Variants in KDM4C observed in about 807,000 individuals in gnomAD.
KDM4C encodes the protein lysine demethylase 4C, also known as lysine-specific demethylase 4C.
KDM4C carries 81 observed loss-of-function variants against 129.3 expected under a neutral mutation model. The ratio of observed to expected loss-of-function variants is 0.63; its 90% confidence interval spans 0.52 to 0.75. KDM4C has a LOEUF of 0.75. Among genes scored for constraint, KDM4C ranks in the 30% least tolerant of loss-of-function variants. The probability of loss-of-function intolerance (pLI) is 0.00; values close to 1 mark genes in which losing one functional copy is unlikely to be tolerated. For missense variants in KDM4C, 1,457 were observed against 1,304.0 expected (o/e 1.12, Z -1.81); for synonymous variants, 573 against 456.1 (o/e 1.26, Z -3.26).
At chr9:6,918,209 T>G (rs761248383) in intron 8 of KDM4C, among the ~76,000 whole-genome samples, 1 of 152,196 alleles carries the variant, frequency 6.6e-6, no homozygotes, top group Non-Finnish European at 1.5e-5. Context: ...TGTCTACAGT[T>G]CCCATCTTTG....
chr9:7,069,189 A>T (rs559916554), intron 17 of KDM4C, among the ~76,000 whole-genome samples: 16 of 152,294 alleles, frequency 1.1e-4, no homozygotes, highest in African/African-American at 2.6e-4. Context: ...TGTTATTATG[A>T]TGTATTACAC....
intron 17 of KDM4C, among the ~76,000 whole-genome samples, chr9:7,065,297 C>A (rs1309419810): frequency 6.6e-6 from 1 of 151,456 alleles, no homozygotes; most frequent in African/African-American, 2.4e-5. Context: ...AAAATATATT[C>A]CATCTTTCTT....
chr9:6,918,765 ATGAT>A (rs1435329016), intron 8 of KDM4C, among the ~76,000 whole-genome samples: 1 of 152,002 alleles, frequency 6.6e-6, no homozygotes, highest in African/African-American at 2.4e-5. Flanking sequence ...CATTTCTCTA[ATGAT>A]TAGTGATGTT....
chr9:7,071,050 T>C (rs1833123184), intron 17 of KDM4C, among the ~76,000 whole-genome samples: 1 of 152,096 alleles, frequency 6.6e-6, no homozygotes, highest in Non-Finnish European at 1.5e-5. Context: ...TGAAAGTTAA[T>C]AAAAATCCAT....
chr9:7,014,507 T>C (rs74367436), intron 14 of KDM4C, among the ~76,000 whole-genome samples: 1 of 152,182 alleles, frequency 6.6e-6, no homozygotes, highest in Non-Finnish European at 1.5e-5. Flanking sequence ...ACCCCTGCAC[T>C]GGGATAGTCT....
intron 8 of KDM4C, among the ~76,000 whole-genome samples, chr9:6,959,704 C>T (rs912818626): frequency 2.0e-5 from 3 of 152,098 alleles, no homozygotes; most frequent in African/African-American, 7.2e-5. Flanking sequence ...CATGTTAATT[C>T]TGTGAAATTG....
In KDM4C at chr9:6,921,939, C is replaced by T. The variant is rs191084300; in HGVS notation, c.921+28707C>T. On this transcript the variant is annotated intron_variant, in intron 8 of 21. Coordinates refer to ENST00000381309, the MANE Select transcript of KDM4C (RefSeq NM_015061.6). ...CCCAATCTGCATGGCTCGGTCCCTCCCTTCTCTGAAGTATTGTTCAAATGT... is the reference window on the plus strand; with the variant it reads ...CCCAATCTGCATGGCTCGGTCCCTCTCTTCTCTGAAGTATTGTTCAAATGT... Among the ~76,000 whole-genome samples the T allele has an allele frequency of 1.3e-3, 199 of 152,216 alleles. 1 individual carries two copies. The highest frequency in any genetic ancestry group is 7.2e-4 in the Non-Finnish European group (49 of 68,014).
chr9:6,993,662 C>G (rs568069767), intron 12 of KDM4C, among the ~76,000 whole-genome samples: 5 of 152,092 alleles, frequency 3.3e-5, no homozygotes, highest in African/African-American at 9.7e-5. Flanking sequence ...CACCCGTGCA[C>G]TTAGGGGAGA....
At chr9:6,984,504 A>G (rs1032810161) in intron 10 of KDM4C, 100 bp downstream of exon 10, 1 of 757,382 alleles carries the variant, frequency 1.3e-6, no homozygotes, top group Non-Finnish European at 2.3e-6. Flanking sequence ...TGACTAGTCC[A>G]CATAGCTTAA....
chr9:6,999,247 C>A (rs907816030), intron 12 of KDM4C, among the ~76,000 whole-genome samples: 1 of 152,100 alleles, frequency 6.6e-6, no homozygotes, highest in South Asian at 2.1e-4. Context: ...ATTTGCCAGT[C>A]TTAATTTTGT....
intron 12 of KDM4C, among the ~76,000 whole-genome samples, chr9:7,008,762 A>G (rs575802249): frequency 1.3e-5 from 2 of 152,306 alleles, no homozygotes; most frequent in Admixed American, 6.5e-5. Flanking sequence ...ATCCAACCCC[A>G]TGAACCCAGG....
In KDM4C at chr9:6,729,869, G is replaced by A. The variant is rs1045943183; in HGVS notation, c.49+8872G>A. On this transcript the variant is annotated intron_variant, in intron 1 of 17. Coordinates refer to the KDM4C transcript ENST00000536108. ...TTATGCCTATAATCCCAGCACTTTG[G>A]GAGGGAGAGGCGGGCGGATCACCTG... Among the ~76,000 whole-genome samples, 15 of 134,374 alleles carry A rather than the reference G, an allele frequency of 1.1e-4. 1 individual carries two copies. Among genetic ancestry groups the A allele is most frequent in the Non-Finnish European group, 2.0e-4 (13 of 65,496 alleles). 88.2% of individuals were successfully genotyped at this position (134,374 alleles called of 152,430 possible). A position where few individuals can be genotyped will look rare whatever the true frequency, so the allele number is the denominator to read the frequency against.
chr9:6,918,899 T>G (rs947036802), intron 8 of KDM4C, among the ~76,000 whole-genome samples: 2 of 152,122 alleles, frequency 1.3e-5, no homozygotes, highest in South Asian at 2.1e-4. Flanking sequence ...TTGCCCAGAC[T>G]GGAGCGCAGT....
At chr9:7,151,243 T>C (rs942528384) in intron 19 of KDM4C, among the ~76,000 whole-genome samples, 2 of 152,116 alleles carry the variant, frequency 1.3e-5, no homozygotes, top group Non-Finnish European at 2.9e-5. Context: ...ACCTATCTTT[T>C]AGAAAATAGG....
intron 19 of KDM4C, 70 bp downstream of exon 19, chr9:7,128,306 T>G: frequency 7.9e-7 from 1 of 1,271,128 alleles, no homozygotes; most frequent in Non-Finnish European, 1.0e-6. Context: ...AACTGAGCCC[T>G]TCAGAATTTT....
At chr9:6,789,500 G>T (rs1427461384) in intron 1 of KDM4C, among the ~76,000 whole-genome samples, 2 of 151,896 alleles carry the variant, frequency 1.3e-5, no homozygotes. Flanking sequence ...GATTACAGGC[G>T]TGAGCCACTG....
intron 17 of KDM4C, among the ~76,000 whole-genome samples, chr9:7,074,759 C>A (rs537003904): frequency 6.6e-6 from 1 of 152,084 alleles, no homozygotes; most frequent in Non-Finnish European, 1.5e-5. Flanking sequence ...TTTTGCTGAG[C>A]CTTTTTGGCT....
chr9:6,764,222 C>A (rs1201568520), intron 1 of KDM4C, among the ~76,000 whole-genome samples: 1 of 152,114 alleles, frequency 6.6e-6, no homozygotes, highest in East Asian at 1.9e-4. Flanking sequence ...GTTGGAATTT[C>A]CGATGTTGAA....
rs570920086 is a variant in KDM4C at position 6,769,454 on chromosome 9, T to C, written c.-18+11251T>C. On this transcript the variant is annotated intron_variant, in intron 1 of 21. Coordinates refer to ENST00000381309, the MANE Select transcript of KDM4C (RefSeq NM_015061.6). ...ACTTGGAGTCAGTTCATTGCACCTA[T>C]TTGCTGTTTGACCTTAGAAAATTTA... Among the ~76,000 whole-genome samples the C allele has an allele frequency of 5.4e-4, 83 of 152,316 alleles. 1 individual carries two copies. The highest frequency in any genetic ancestry group is 5.4e-3 in the Admixed American group (82 of 15,286).
Sources: allele counts gnomAD v4.1 joint callset (sites outside exome capture counted in the v4.1 genomes callset), GRCh38; gene constraint gnomAD v4.1.1; transcripts MANE v1.5; gene names NCBI Gene and HGNC (gene_info 2026-07-23, HGNC 2026-07-21).